ICA1L: variants seen among roughly 807,000 people sequenced by gnomAD.
ICA1L encodes islet cell autoantigen 1-like protein.
ICA1L carries 50 observed loss-of-function variants against 61.3 expected under a neutral mutation model. The ratio of observed to expected loss-of-function variants is 0.82; its 90% CI spans 0.65 to 1.03. ICA1L has a LOEUF of 1.03. Among genes scored for constraint, ICA1L ranks in the 50% least tolerant of loss-of-function variants. ICA1L has a pLI of 0.00. For missense variants in ICA1L, 508 were observed against 556.7 expected (o/e 0.91, Z 0.88); for synonymous variants, 161 against 191.3 (o/e 0.84, Z 1.31).
At chr2:202,856,339 A>G (rs1384181710) in intron 1 of ICA1L, among the ~76,000 whole-genome samples, 1 of 152,198 alleles carries the variant, frequency 6.6e-6, no homozygotes, top group African/African-American at 2.4e-5. Flanking sequence ...GCAAATCAAT[A>G]AACATAATCC....
chr2:202,846,256 C>CA (rs1694460894), intron 1 of ICA1L, among the ~76,000 whole-genome samples: 1 of 147,914 alleles, frequency 6.8e-6, no homozygotes, highest in African/African-American at 2.5e-5. Flanking sequence ...TTCTTTCTTT[C>CA]TTTTTTTTTT....
chr2:202,814,381 C>T (rs1045468576), intron 8 of ICA1L, among the ~76,000 whole-genome samples: 1 of 152,142 alleles, frequency 6.6e-6, no homozygotes, highest in African/African-American at 2.4e-5. Context: ...TTTGCCTCTT[C>T]ACACAGGTCT....
intron 1 of ICA1L, among the ~76,000 whole-genome samples, chr2:202,837,238 CT>C (rs1261852148): frequency 1.3e-5 from 2 of 151,782 alleles, no homozygotes; most frequent in Non-Finnish European, 2.9e-5. Flanking sequence ...AGCATTTCCT[CT>C]TTTTTATTAA....
rs147488957 is a variant in ICA1L, at chr2:202,781,746, A to G, written c.1334-2098T>C. ...CGCTCATTAGCATATATTTTAGTCAATGGATAGATGCGTTTCTGTTAGGTA... is the reference window on the plus strand; with the variant it reads ...CGCTCATTAGCATATATTTTAGTCAGTGGATAGATGCGTTTCTGTTAGGTA... On this transcript the variant is annotated intron_variant, in intron 12 of 12. Transcript: ENST00000358299. 9.4e-4 allele frequency among the ~76,000 whole-genome samples: 143 copies of G among 152,204 alleles called. 1 individual carries two copies. The highest frequency in any genetic ancestry group is 3.3e-3 in the African/African-American group (136 of 41,544).
intron 12 of ICA1L, among the ~76,000 whole-genome samples, chr2:202,782,847 ATTTAC>A (rs1338680861): frequency 2.0e-5 from 3 of 151,958 alleles, no homozygotes; most frequent in Admixed American, 6.6e-5. Flanking sequence ...TCTGAAATTT[ATTTAC>A]TTTATAGTGT....
At position 202,796,907 on chromosome 2, in the gene ICA1L, A is replaced by G. The variant is rs774609344; in HGVS notation, c.968T>C (p.Phe323Ser). 6.3e-7 allele frequency: 1 copy of G among 1,594,970 alleles called. No homozygotes were observed. The highest frequency in any genetic ancestry group is 8.6e-7 in the Non-Finnish European group (1 of 1,169,416). The change falls in exon 10 of 13, where the codon TTT (phenylalanine) becomes TCT (serine). Residue 323 changes from phenylalanine (F) to serine (S), a missense_variant. Transcript: ENST00000358299. ...SQMREFGAPQ[F>S]SNSENVAKDL... Reference sequence around the variant, plus strand: ...ATTCTTACCATTTTCAGAGTTAGAAAACTGAGGTGCTCCAAATTCTCTCAT... The same window carrying G: ...ATTCTTACCATTTTCAGAGTTAGAAGACTGAGGTGCTCCAAATTCTCTCAT...
At chr2:202,813,546 T>C (rs1420433090) in intron 8 of ICA1L, among the ~76,000 whole-genome samples, 3 of 152,190 alleles carry the variant, frequency 2.0e-5, no homozygotes, top group African/African-American at 7.2e-5. Flanking sequence ...AGGGCTTTAG[T>C]GCTGCATCAT....
intron 1 of ICA1L, among the ~76,000 whole-genome samples, chr2:202,862,730 G>C (rs572668218): frequency 2.0e-5 from 3 of 151,676 alleles, no homozygotes; most frequent in Admixed American, 6.6e-5. Context: ...CCAGCTACTC[G>C]GGAGGCTGAG....
chr2:202,842,788 T>C (rs1283761271), intron 1 of ICA1L, among the ~76,000 whole-genome samples: 1 of 152,220 alleles, frequency 6.6e-6, no homozygotes, highest in African/African-American at 2.4e-5. Flanking sequence ...AACTAGGATA[T>C]TTGCTCTTTT....
At chr2:202,871,310 G>A (rs1265704161) in intron 1 of ICA1L, 6 of 152,244 alleles carry the variant, frequency 3.9e-5, no homozygotes, top group Non-Finnish European at 7.3e-5. Context: ...GCGTGGCCGG[G>A]AGGCGCCCTT....
At chr2:202,814,846 G>T in intron 7 of ICA1L, 62 bp from the exon 8 acceptor site, 2 of 1,077,154 alleles carry the variant, frequency 1.9e-6, no homozygotes, top group South Asian at 1.4e-5. Context: ...TCTCTGCAAA[G>T]AAAATGAGAA....
intron 2 of ICA1L, 41 bp downstream of exon 2, chr2:202,828,807 A>G (rs1286938135): frequency 1.3e-6 from 2 of 1,553,462 alleles, no homozygotes; most frequent in East Asian, 4.5e-5. Flanking sequence ...AGCCCCAAAT[A>G]ATGGCTGGTT....
At chr2:202,804,961 T>G (rs1166801513) in intron 9 of ICA1L, among the ~76,000 whole-genome samples, 2 of 152,208 alleles carry the variant, frequency 1.3e-5, no homozygotes, top group Non-Finnish European at 2.9e-5. Flanking sequence ...TTTAAATAAC[T>G]GAAATTGAAT....
intron 1 of ICA1L, among the ~76,000 whole-genome samples, chr2:202,832,360 T>G (rs1280859615): frequency 7.2e-6 from 1 of 139,138 alleles, no homozygotes; most frequent in African/African-American, 2.7e-5. Flanking sequence ...GGCAGGAAAA[T>G]CGCTTGAACC....
intron 9 of ICA1L, among the ~76,000 whole-genome samples, chr2:202,810,386 G>A (rs1369156980): frequency 6.6e-6 from 1 of 152,160 alleles, no homozygotes; most frequent in African/African-American, 2.4e-5. Context: ...TGTCTTTACT[G>A]CAGTCTCTGA....
chr2:202,843,127 T>C (rs1694374906), intron 1 of ICA1L, among the ~76,000 whole-genome samples: 2 of 152,226 alleles, frequency 1.3e-5, no homozygotes, highest in African/African-American at 4.8e-5. Flanking sequence ...GCAGTTTATA[T>C]ATGTCCATTT....
rs200730752 is a variant in ICA1L at position 202,788,916 on chromosome 2, A to G, written c.1157T>C (p.Met386Thr). The stretch of plus-strand genomic sequence containing the variant: ...AGAATGAGCGAGGGGCTCAGACCCC[A>G]TGGAAGGCTCCTGGGATGTGAGACT... ...SASLTSQEPS[M>T]GSEPLAHSSR... Residue 386 changes from methionine to threonine, a missense_variant, in exon 11 of 13, where the codon ATG becomes ACG. Met to Thr is a moderately conservative substitution (Grantham distance 81). Transcript: ENST00000358299. 1 of 1,614,192 alleles carries G rather than the reference A, an allele frequency of 6.2e-7. No homozygotes were observed. Among genetic ancestry groups the G allele is most frequent in the East Asian group, 2.2e-5 (1 of 44,882 alleles).
intron 10 of ICA1L, among the ~76,000 whole-genome samples, chr2:202,795,627 C>T (rs1692902706): frequency 6.6e-6 from 1 of 151,988 alleles, no homozygotes; most frequent in Non-Finnish European, 1.5e-5. Flanking sequence ...CTATGTGGCA[C>T]TGGTGCATGC....
intron 1 of ICA1L, among the ~76,000 whole-genome samples, chr2:202,848,324 T>TA (rs1223387684): frequency 2.6e-5 from 4 of 152,176 alleles, no homozygotes; most frequent in Admixed American, 2.6e-4. Flanking sequence ...GGCCATTTTT[T>TA]ACCTATAAAA....
Sources: allele counts gnomAD v4.1 joint callset (sites outside exome capture counted in the v4.1 genomes callset), GRCh38; gene constraint gnomAD v4.1.1; transcripts MANE v1.5; gene names NCBI Gene and HGNC (gene_info 2026-07-23, HGNC 2026-07-21).